The following GLT1D1 variants were observed in gnomAD, a reference collection of about 807,000 sequenced individuals.
The protein encoded by GLT1D1 is glycosyltransferase 1 domain containing 1.
In GLT1D1, 21 loss-of-function variants were observed where a neutral mutation model predicts 28.7. The ratio of observed to expected loss-of-function variants is 0.73; its 90% CI spans 0.52 to 1.05. GLT1D1 has a LOEUF of 1.05. Among genes scored for constraint, GLT1D1 ranks in the 50% least tolerant of loss-of-function variants. The probability of loss-of-function intolerance (pLI) is 0.00; values close to 1 mark genes in which losing one functional copy is unlikely to be tolerated. For missense variants in GLT1D1, 343 were observed against 330.6 expected (o/e 1.04, Z -0.29); for synonymous variants, 147 against 124.8 (o/e 1.18, Z -1.19).
chr12:128,944,247 A>G, intron 4 of GLT1D1: 1 of 545,696 alleles, frequency 1.8e-6, no homozygotes, highest in Non-Finnish European at 3.5e-6. Context: ...TCTTACTACT[A>G]ATAGTTCCAC....
intron 7 of GLT1D1, among the ~76,000 whole-genome samples, chr12:128,972,008 ACT>A (rs72277820): frequency 0.33 from 49,358 of 150,198 alleles, 9,755 homozygotes; most frequent in East Asian, 0.49. Context: ...GTTTTCCCTG[ACT>A]CTCTGTCGCA....
chr12:128,911,054 C>CA (rs1871470118), intron 4 of GLT1D1, among the ~76,000 whole-genome samples: 1 of 152,200 alleles, frequency 6.6e-6, no homozygotes, highest in African/African-American at 2.4e-5. Context: ...CTCAGCCTCC[C>CA]AAGCAGCTGG....
intron 7 of GLT1D1, among the ~76,000 whole-genome samples, chr12:128,976,763 TGGA>T (rs1219757646): frequency 1.3e-5 from 2 of 152,198 alleles, no homozygotes; most frequent in East Asian, 1.9e-4. Context: ...TTGCTTCTCG[TGGA>T]GGAGTTTTTT....
At chr12:128,883,589 CAAAAAA>C (rs202021879) in intron 2 of GLT1D1, among the ~76,000 whole-genome samples, 15,744 of 77,908 alleles carry the variant, frequency 0.2, 935 homozygotes, top group South Asian at 0.35. Context: ...GACTCCATCT[CAAAAAA>C]AAAAAAAAAA....
intron 4 of GLT1D1, among the ~76,000 whole-genome samples, chr12:128,928,597 C>T (rs1033418879): frequency 2.0e-5 from 3 of 151,428 alleles, no homozygotes; most frequent in African/African-American, 7.3e-5. Flanking sequence ...CCAGTGACAG[C>T]TCCGCGTGTT....
Position 128,888,503 on chromosome 12 carries a change from G to A in GLT1D1, c.218-136G>A. 4.8e-6 allele frequency: 3 copies of A among 621,204 alleles called. No individual in the cohort carries two copies. In the South Asian group the frequency reaches 5.9e-5, roughly 12 times the overall value. The allele number at this position is 621,204 out of a possible 1,614,324, so 38.5% of individuals were successfully genotyped here. A position where few individuals can be genotyped will look rare whatever the true frequency, so the allele number is the denominator to read the frequency against. On this transcript the variant is annotated intron_variant, in intron 2 of 7. Coordinates refer to ENST00000281703, the MANE Select transcript of GLT1D1 (RefSeq NM_144669.3). ...ACCTATTCTGCTATCCAGGAGAGGT[G>A]GATGCAGCTAAATGTACAGCAACAA...
intron 1 of GLT1D1, among the ~76,000 whole-genome samples, chr12:128,871,924 AT>A (rs199678873): frequency 6.3e-4 from 95 of 151,456 alleles, no homozygotes; most frequent in African/African-American, 1.9e-3. Flanking sequence ...TTCAAGGGTA[AT>A]TTTTTTTTAA....
chr12:128,954,145 A>G (rs528219575), intron 6 of GLT1D1, among the ~76,000 whole-genome samples: 171 of 148,358 alleles, frequency 1.2e-3, no homozygotes, highest in African/African-American at 4.0e-3. Context: ...GTTTTTTGAG[A>G]TGGAGTCTCA....
intron 6 of GLT1D1, among the ~76,000 whole-genome samples, chr12:128,956,444 G>C (rs1877324828): frequency 6.6e-6 from 1 of 152,096 alleles, no homozygotes. Flanking sequence ...AACATGTATT[G>C]CTTTTGCAGC....
intron 3 of GLT1D1, among the ~76,000 whole-genome samples, chr12:128,897,813 C>T (rs561271747): frequency 1.3e-4 from 20 of 151,638 alleles, no homozygotes; most frequent in African/African-American, 3.9e-4. Context: ...GGACTACAGG[C>T]GCCCGCCACC....
intron 4 of GLT1D1, among the ~76,000 whole-genome samples, chr12:128,936,210 A>G (rs1452140994): frequency 5.4e-5 from 8 of 147,250 alleles, no homozygotes; most frequent in African/African-American, 2.0e-4. Context: ...GCTGGAGTGC[A>G]GTGGCCTGAT....
At chr12:128,872,164 G>C (rs530342193) in intron 1 of GLT1D1, among the ~76,000 whole-genome samples, 74 of 151,602 alleles carry the variant, frequency 4.9e-4, no homozygotes, top group Admixed American at 3.3e-3. Flanking sequence ...ATGTTGGTCA[G>C]GCTGGTCTCG....
At chr12:128,964,517 A>G (rs140991235) in intron 7 of GLT1D1, among the ~76,000 whole-genome samples, 2 of 152,314 alleles carry the variant, frequency 1.3e-5, no homozygotes, top group East Asian at 3.9e-4. Flanking sequence ...ACCCCACAAT[A>G]TGACCCCTTG....
chr12:128,898,407 G>T (rs756870969), intron 3 of GLT1D1, among the ~76,000 whole-genome samples: 1 of 152,120 alleles, frequency 6.6e-6, no homozygotes, highest in Non-Finnish European at 1.5e-5. Flanking sequence ...GAATGCCTGG[G>T]CTCAAGTGAT....
At chr12:128,886,339 C>T (rs796367973) in intron 2 of GLT1D1, among the ~76,000 whole-genome samples, 7 of 152,256 alleles carry the variant, frequency 4.6e-5, no homozygotes, top group African/African-American at 1.7e-4. Context: ...ACCACAAACC[C>T]AGTGGCTTCA....
chr12:128,923,668 C>T (rs1194878357), intron 4 of GLT1D1, among the ~76,000 whole-genome samples: 1 of 152,002 alleles, frequency 6.6e-6, no homozygotes, highest in East Asian at 1.9e-4. Flanking sequence ...ATTACAAGTG[C>T]CTGCTACCAC....
intron 4 of GLT1D1, chr12:128,944,417 T>G: frequency 7.7e-7 from 1 of 1,296,888 alleles, no homozygotes; most frequent in South Asian, 1.2e-5. Flanking sequence ...TGGCTTTGTT[T>G]GGCTTCATAA....
In GLT1D1 at chr12:128,853,605, G is replaced by C; in HGVS notation, c.24G>C (p.Val8=). 8.5e-7 allele frequency: 1 copy of C among 1,175,934 alleles called. No individual in the cohort carries two copies. The highest frequency in any genetic ancestry group is 1.1e-6 in the Non-Finnish European group (1 of 940,180). The allele number at this position is 1,175,934 out of a possible 1,614,324, so 72.8% of individuals were successfully genotyped here. Residue 8 remains valine (V), a synonymous_variant, in exon 1 of 8, where the codon GTG becomes GTC. Transcript: ENST00000281703. ...GCATGCGGCTCCTGTTCCTGGCGGT[G>C]CTGCGGCCACACACCGGCAACGCGG...
At chr12:128,971,469 TGC>T (rs1879064548) in intron 7 of GLT1D1, among the ~76,000 whole-genome samples, 2 of 75,584 alleles carry the variant, frequency 2.6e-5, no homozygotes, top group Non-Finnish European at 5.2e-5. Context: ...TCCCTCCCTC[TGC>T]CTCCCTCCCT....
Sources: gnomAD v4.1 joint callset for allele counts (sites outside exome capture counted in the v4.1 genomes callset) on GRCh38, gnomAD v4.1.1 for gene constraint, MANE v1.5 for transcripts, NCBI Gene and HGNC (gene_info 2026-07-23, HGNC 2026-07-21) for gene names.